The following EDEM1 variants were observed in gnomAD, a reference collection of about 807,000 sequenced individuals.
EDEM1 encodes ER degradation-enhancing alpha-mannosidase-like protein 1.
A neutral mutation model predicts 74.4 loss-of-function variants in EDEM1; 67 were observed. That is an observed-to-expected ratio of 0.90 (90% CI 0.74 to 1.10). The LOEUF is 1.10. EDEM1 is among the 50% of genes least tolerant of loss of function. The pLI, the probability that EDEM1 is intolerant of heterozygous loss-of-function variation, is 0.00. For missense variants in EDEM1, 926 were observed against 851.6 expected, an observed-to-expected ratio of 1.09 and a Z score of -1.09; for synonymous variants, 382 against 335.9, an observed-to-expected ratio of 1.14 and a Z score of -1.50.
At chr3:5,214,637 C>T (rs1017857648) in intron 11 of EDEM1, among the ~76,000 whole-genome samples, 1 of 152,224 alleles carries the variant, frequency 6.6e-6, no homozygotes, top group Non-Finnish European at 1.5e-5. Flanking sequence ...CTTCTAACAA[C>T]AGCCCTGTGA....
At chr3:5,213,269 T>TC (rs1433098584) in intron 10 of EDEM1, 50 bp from the exon 11 acceptor site, 9 of 1,556,768 alleles carry the variant, frequency 5.8e-6, no homozygotes, top group Non-Finnish European at 7.9e-6. Flanking sequence ...ATGATTCAGT[T>TC]CCCAGTGTGC....
At chr3:5,198,985 G>T (rs1163808327) in intron 2 of EDEM1, among the ~76,000 whole-genome samples, 1 of 152,130 alleles carries the variant, frequency 6.6e-6, no homozygotes, top group Non-Finnish European at 1.5e-5. Flanking sequence ...CATAATTCTA[G>T]ATCACTTTTT....
intron 7 of EDEM1, 40 bp from the exon 8 acceptor site, chr3:5,208,053 G>A (rs759489888): frequency 1.3e-6 from 2 of 1,549,818 alleles, no homozygotes; most frequent in Non-Finnish European, 1.7e-6. Flanking sequence ...GTCACTCTAG[G>A]AATGGTATCT....
chr3:5,213,768 G>T (rs141141713), intron 11 of EDEM1, among the ~76,000 whole-genome samples: 29 of 152,166 alleles, frequency 1.9e-4, no homozygotes, highest in African/African-American at 3.4e-4. Context: ...ATCCTGGAAG[G>T]GGGGAGCCTT....
intron 9 of EDEM1, among the ~76,000 whole-genome samples, chr3:5,210,681 A>G (rs1321468541): frequency 2.0e-5 from 3 of 151,760 alleles, no homozygotes; most frequent in Non-Finnish European, 2.9e-5. Flanking sequence ...CTATATTTCA[A>G]TTTTGTGACA....
intron 5 of EDEM1, among the ~76,000 whole-genome samples, chr3:5,203,433 C>T (rs2055057783): frequency 6.6e-6 from 1 of 152,178 alleles, no homozygotes; most frequent in Non-Finnish European, 1.5e-5. Flanking sequence ...AAAGAACTGC[C>T]TCTGAGGCAG....
intron 1 of EDEM1, chr3:5,189,364 A>G (rs2054872108): frequency 6.6e-6 from 1 of 152,178 alleles, no homozygotes; most frequent in African/African-American, 2.4e-5. Context: ...TGGGTTTTTA[A>G]AATGGTGTGG....
rs759577394 is a variant in EDEM1, at chr3:5,215,843, T to C, written c.1899T>C (p.Pro633=). ...TGTCTTTCTAGTGCAATCGTGTACC[T>C]GATGAGAGGAGGTACTCCCTGCCCT... ...INSSSNCNRV[P]DERRYSLPLK... Residue 633 remains proline, a synonymous_variant, in exon 12 of 12, where the codon CCT becomes CCC. Coordinates refer to ENST00000256497, the MANE Select transcript of EDEM1 (RefSeq NM_014674.3). The C allele has an allele frequency of 6.2e-7, 1 of 1,613,004 alleles. No homozygotes were observed. Among genetic ancestry groups the C allele is most frequent in the South Asian group, 1.1e-5 (1 of 90,752 alleles).
At chr3:5,197,230 C>G (rs912909314) in intron 2 of EDEM1, among the ~76,000 whole-genome samples, 2 of 152,140 alleles carry the variant, frequency 1.3e-5, no homozygotes, top group African/African-American at 4.8e-5. Flanking sequence ...TTTCCCAACA[C>G]AGATTCCAAA....
At position 5,195,155 on chromosome 3, in the gene EDEM1, T is replaced by C. The variant is rs1007489756; in HGVS notation, c.510-54T>C. 1.2e-5 allele frequency: 13 copies of C among 1,097,446 alleles called. No homozygotes were observed. The African/African-American group carries it at 2.1e-4, about 18-fold the overall frequency. The allele number at this position is 1,097,446 out of a possible 1,614,324, so 68.0% of individuals were successfully genotyped here. On this transcript the variant is annotated intron_variant, in intron 1 of 11. Transcript: ENST00000256497. ...GTTTCTGATGGGTGTTTACTTTTAT[T>C]GTCTTCTCTTTTGAAATAAAGTCTT...
At chr3:5,215,096 A>G (rs1364788054) in intron 11 of EDEM1, among the ~76,000 whole-genome samples, 1 of 152,102 alleles carries the variant, frequency 6.6e-6, no homozygotes, top group Admixed American at 6.5e-5. Flanking sequence ...AGTCGGGACC[A>G]ATGGAAGGAC....
intron 2 of EDEM1, among the ~76,000 whole-genome samples, chr3:5,196,891 T>C (rs2054974163): frequency 6.6e-6 from 1 of 152,200 alleles, no homozygotes; most frequent in Non-Finnish European, 1.5e-5. Flanking sequence ...TCCTTGTCCC[T>C]GAGAGCTTTG....
intron 8 of EDEM1, 51 bp downstream of exon 8, chr3:5,208,314 C>A: frequency 1.3e-6 from 2 of 1,574,892 alleles, no homozygotes; most frequent in South Asian, 2.3e-5. Flanking sequence ...CCCCTGACCC[C>A]AGCAGTTCAT....
intron 1 of EDEM1, among the ~76,000 whole-genome samples, chr3:5,193,114 C>T (rs753592945): frequency 3.9e-5 from 6 of 152,006 alleles, no homozygotes; most frequent in Admixed American, 1.3e-4. Flanking sequence ...TGACACATGC[C>T]GCAGATCTGG....
rs2055242732 is a variant in EDEM1, at chr3:5,216,796, C to G, written c.*878C>G. 6.6e-6 allele frequency: 1 copy of G among 152,626 alleles called. No homozygotes were observed. The highest frequency in any genetic ancestry group is 6.5e-5 in the Admixed American group (1 of 15,276). The allele number at this position is 152,626 out of a possible 1,614,324, so 9.5% of individuals were successfully genotyped here. ...ACTTACCTGAGGAACTCCCATAGTT[C>G]CAGAATCAGGTGCCTTTTAGGGAGA... On this transcript the variant is annotated 3_prime_UTR_variant, in exon 12 of 12. Coordinates refer to ENST00000256497, the MANE Select transcript of EDEM1 (RefSeq NM_014674.3).
In EDEM1 at chr3:5,204,964, A is replaced by G. The variant is rs1200239805; in HGVS notation, c.1043-103A>G. On this transcript the variant is annotated intron_variant, in intron 5 of 11. Coordinates refer to ENST00000256497, the MANE Select transcript of EDEM1 (RefSeq NM_014674.3). ...CCTCCTTCTCCTGTATGCCAAGGAT[A>G]AAGGTGCTGAGGAGCAGTGTGGTTG... is the stretch of plus-strand genomic sequence containing the variant. 10 of 1,279,592 alleles carry G rather than the reference A, an allele frequency of 7.8e-6. No homozygotes were observed. In the African/African-American group the frequency reaches 1.5e-4, roughly 19 times the overall value. The allele number at this position is 1,279,592 out of a possible 1,614,324, so 79.3% of individuals were successfully genotyped here. A position where few individuals can be genotyped will look rare whatever the true frequency, so the allele number is the denominator to read the frequency against.
chr3:5,200,586 A>G (rs1306061047), intron 3 of EDEM1, among the ~76,000 whole-genome samples: 1 of 152,206 alleles, frequency 6.6e-6, no homozygotes, highest in Non-Finnish European at 1.5e-5. Context: ...AATTGTATCA[A>G]CTGCATAACA....
chr3:5,213,053 CA>C (rs1348531241), intron 10 of EDEM1, among the ~76,000 whole-genome samples: 1 of 152,164 alleles, frequency 6.6e-6, no homozygotes, highest in Non-Finnish European at 1.5e-5. Flanking sequence ...GCCTTAGTTT[CA>C]GAATTTCTGA....
chr3:5,191,169 G>A (rs980316952), intron 1 of EDEM1, among the ~76,000 whole-genome samples: 6 of 152,180 alleles, frequency 3.9e-5, no homozygotes, highest in African/African-American at 1.4e-4. Context: ...CTTTGAAACA[G>A]GAGGGTACTT....
Sources: gnomAD v4.1 joint callset for allele counts (sites outside exome capture counted in the v4.1 genomes callset) on GRCh38, gnomAD v4.1.1 for gene constraint, MANE v1.5 for transcripts, NCBI Gene and HGNC (gene_info 2026-07-23, HGNC 2026-07-21) for gene names.